The following DLGAP2 variants were observed in gnomAD, a reference collection of about 807,000 sequenced individuals.
DLGAP2 encodes the protein disks large-associated protein 2.
DLGAP2 carries 26 observed loss-of-function variants against 100.3 expected under a neutral mutation model. The observed-to-expected ratio is 0.26, with a 90% CI of 0.19 to 0.36. The LOEUF is 0.36. DLGAP2 is among the 10% of genes least tolerant of loss of function. The pLI is 1.00. For synonymous variants in DLGAP2, 886 were observed against 630.1 expected, an observed-to-expected ratio of 1.41 and a Z score of -6.08; for missense variants, 1,858 against 1,453.2, an observed-to-expected ratio of 1.28 and a Z score of -4.53.
chr8:1,205,958 G>C (rs1345768579), intron 2 of DLGAP2, among the ~76,000 whole-genome samples: 1 of 152,166 alleles, frequency 6.6e-6, no homozygotes, highest in Non-Finnish European at 1.5e-5. Flanking sequence ...AGTGACTACA[G>C]CCTGGGCAAT....
chr8:1,485,977 A>G (rs1297822939), intron 3 of DLGAP2, among the ~76,000 whole-genome samples: 3 of 152,212 alleles, frequency 2.0e-5, no homozygotes, highest in Non-Finnish European at 4.4e-5. Flanking sequence ...CAGTGAGCCG[A>G]GATCGCGCCA....
At chr8:771,102 G>C (rs908966555) in intron 1 of DLGAP2, among the ~76,000 whole-genome samples, 1 of 152,114 alleles carries the variant, frequency 6.6e-6, no homozygotes, top group African/African-American at 2.4e-5. Flanking sequence ...GTCCTCCTGT[G>C]CTGGGGTCAG....
chr8:941,151 G>A (rs1312215069), intron 2 of DLGAP2, among the ~76,000 whole-genome samples: 2 of 152,142 alleles, frequency 1.3e-5, no homozygotes, highest in African/African-American at 4.8e-5. Flanking sequence ...GGATGCTGCT[G>A]TCCCTGCGTC....
chr8:1,182,784 G>A (rs889398066), intron 2 of DLGAP2, among the ~76,000 whole-genome samples: 6 of 152,218 alleles, frequency 3.9e-5, no homozygotes, highest in East Asian at 1.9e-4. Context: ...GCATGTGAGA[G>A]GCAGGAAGGG....
chr8:1,343,857 C>T (rs1801477587), intron 3 of DLGAP2, among the ~76,000 whole-genome samples: 1 of 152,088 alleles, frequency 6.6e-6, no homozygotes, highest in South Asian at 2.1e-4. Flanking sequence ...GCTCCAATTC[C>T]AGGGAGTAGG....
At chr8:834,355 G>A (rs1002270842) in intron 1 of DLGAP2, among the ~76,000 whole-genome samples, 1 of 152,218 alleles carries the variant, frequency 6.6e-6, no homozygotes, top group African/African-American at 2.4e-5. Context: ...ATAAAGACAA[G>A]CTGAGAAGTT....
At chr8:1,146,616 CGTGTGTGCATGCATGTGTGTGCAT>C (rs988686401) in intron 2 of DLGAP2, among the ~76,000 whole-genome samples, 9 of 151,824 alleles carry the variant, frequency 5.9e-5, no homozygotes, top group African/African-American at 2.2e-4. Flanking sequence ...TGTGCATGCA[CGTGTGTGCATGCATGTGTGTGCAT>C]GTGAGTGTGT....
At chr8:904,981 TCAG>T (rs1332962038) in intron 1 of DLGAP2, among the ~76,000 whole-genome samples, 5 of 152,214 alleles carry the variant, frequency 3.3e-5, no homozygotes, top group Admixed American at 3.3e-4. Context: ...CGACGTGTGC[TCAG>T]CCTTCCAGAG....
chr8:1,482,977 C>T (rs574383600), intron 3 of DLGAP2, among the ~76,000 whole-genome samples: 2 of 152,262 alleles, frequency 1.3e-5, no homozygotes, highest in African/African-American at 4.8e-5. Context: ...CCTCACGTCC[C>T]GTGCTCGGGC....
At chr8:1,507,850 A>G (rs1041898021) in intron 4 of DLGAP2, among the ~76,000 whole-genome samples, 2 of 88,302 alleles carry the variant, frequency 2.3e-5, no homozygotes. Flanking sequence ...AGCCTCCACC[A>G]CCACACTTCC....
chr8:1,389,936 A>T (rs1796310304), intron 3 of DLGAP2, among the ~76,000 whole-genome samples: 1 of 152,126 alleles, frequency 6.6e-6, no homozygotes, highest in Non-Finnish European at 1.5e-5. Flanking sequence ...CGGAGCACCC[A>T]GCTCCGGCAC....
chr8:1,267,636 G>GAAAATAAAATAAA (rs1799493421), intron 3 of DLGAP2, among the ~76,000 whole-genome samples: 1 of 20,682 alleles, frequency 4.8e-5, no homozygotes, highest in Admixed American at 3.5e-4. Context: ...ATATTAAATA[G>GAAAATAAAATAAA]GTCTACAAAA....
intron 8 of DLGAP2, among the ~76,000 whole-genome samples, chr8:1,662,269 G>A (rs1798425218): frequency 6.6e-6 from 1 of 152,128 alleles, no homozygotes; most frequent in Non-Finnish European, 1.5e-5. Flanking sequence ...TCTTACTCTG[G>A]CTTAAGCCCA....
chr8:779,168 C>G (rs553121723), intron 1 of DLGAP2, among the ~76,000 whole-genome samples: 1 of 152,232 alleles, frequency 6.6e-6, no homozygotes, highest in Admixed American at 6.5e-5. Flanking sequence ...TTGCGCTTCC[C>G]GAGTGAGGCA....
intron 2 of DLGAP2, among the ~76,000 whole-genome samples, chr8:1,218,951 C>G (rs1382410229): frequency 6.6e-6 from 1 of 152,022 alleles, no homozygotes; most frequent in African/African-American, 2.4e-5. Flanking sequence ...AATAGAAATG[C>G]TATTAATTTT....
At chr8:974,409 C>A (rs1261924882) in intron 2 of DLGAP2, among the ~76,000 whole-genome samples, 7 of 152,190 alleles carry the variant, frequency 4.6e-5, no homozygotes, top group Admixed American at 3.3e-4. Context: ...ACCCAGAATT[C>A]TGTCTATAGA....
intron 2 of DLGAP2, among the ~76,000 whole-genome samples, chr8:1,226,784 C>T (rs544556550): frequency 1.2e-3 from 185 of 152,004 alleles, no homozygotes; most frequent in Non-Finnish European, 2.1e-3. Flanking sequence ...CATCAGTAAT[C>T]CTCAGGGAAA....
At position 1,197,224 on chromosome 8, in the gene DLGAP2, G is replaced by A. The variant is rs149878560; in HGVS notation, c.74-61627G>A. On this transcript the variant is annotated intron_variant, in intron 2 of 14. Transcript: ENST00000637795. Reference sequence around the variant, plus strand: ...TCCCACATTGCAGAGTCCACTTCAGGTCTCTTCTGGAAATGCCATCACAGA... The same window carrying A: ...TCCCACATTGCAGAGTCCACTTCAGATCTCTTCTGGAAATGCCATCACAGA... 9.9e-5 allele frequency among the ~76,000 whole-genome samples: 15 copies of A among 152,246 alleles called. No homozygotes were observed. The East Asian group carries it at 2.9e-3, about 29-fold the overall frequency.
chr8:902,535 C>T (rs1798274162), intron 1 of DLGAP2, among the ~76,000 whole-genome samples: 1 of 132,224 alleles, frequency 7.6e-6, no homozygotes, highest in Admixed American at 8.2e-5. Flanking sequence ...ACAGCCCCGG[C>T]GGCCTTGGGG....
Sources: allele counts gnomAD v4.1 joint callset (sites outside exome capture counted in the v4.1 genomes callset), GRCh38; gene constraint gnomAD v4.1.1; transcripts MANE v1.5; gene names NCBI Gene and HGNC (gene_info 2026-07-23, HGNC 2026-07-21).